NR3C1: variants seen among roughly 807,000 people sequenced by gnomAD.
NR3C1 encodes the protein nuclear receptor subfamily 3 group C member 1.
NR3C1 carries 14 observed loss-of-function variants against 74.0 expected under a neutral mutation model. That is an observed-to-expected ratio of 0.19 (90% CI 0.12 to 0.30). The LOEUF (loss-of-function observed/expected upper bound fraction) is 0.30. Ranked by LOEUF, NR3C1 falls within the 10% of genes least tolerant of loss-of-function variation. NR3C1 has a pLI of 1.00. For missense variants in NR3C1, 695 were observed against 909.8 expected (o/e 0.76, Z 3.04); for synonymous variants, 308 against 332.5 (o/e 0.93, Z 0.80).
chr5:143,347,937 T>C (rs1481925739), intron 2 of NR3C1, among the ~76,000 whole-genome samples: 2 of 152,172 alleles, frequency 1.3e-5, no homozygotes, highest in Admixed American at 6.5e-5. Flanking sequence ...CACATTCCAG[T>C]GTCAGCTTTC....
intron 2 of NR3C1, among the ~76,000 whole-genome samples, chr5:143,341,209 G>T (rs1828156249): frequency 6.6e-6 from 1 of 152,220 alleles, no homozygotes; most frequent in African/African-American, 2.4e-5. Flanking sequence ...ATAATGGAAT[G>T]TTAAAGGAAA....
chr5:143,423,198 T>A (rs1751328107), intron 1 of NR3C1, among the ~76,000 whole-genome samples: 2 of 152,084 alleles, frequency 1.3e-5, no homozygotes, highest in African/African-American at 4.8e-5. Context: ...AAGAGACAAC[T>A]CACAGAATGG....
intron 2 of NR3C1, among the ~76,000 whole-genome samples, chr5:143,393,189 C>G (rs950115460): frequency 6.6e-6 from 1 of 152,160 alleles, no homozygotes; most frequent in East Asian, 1.9e-4. Context: ...TATTTTAAAT[C>G]CTTATCTTAT....
intron 2 of NR3C1, among the ~76,000 whole-genome samples, chr5:143,390,357 A>C (rs185402830): frequency 6.6e-6 from 1 of 152,326 alleles, no homozygotes; most frequent in Non-Finnish European, 1.5e-5. Context: ...CTATACTGAT[A>C]ATCAGATACT....
chr5:143,389,856 C>G (rs748718331), intron 2 of NR3C1: 29 of 675,108 alleles, frequency 4.3e-5, no homozygotes, highest in Non-Finnish European at 4.9e-5. Context: ...GCAGAGAAAA[C>G]CTGTTAGCAG....
chr5:143,349,121 T>A (rs146298867), intron 2 of NR3C1, among the ~76,000 whole-genome samples: 1 of 152,162 alleles, frequency 6.6e-6, no homozygotes, highest in Non-Finnish European at 1.5e-5. Context: ...TCAAAGATGA[T>A]CCTACTGTCT....
intron 6 of NR3C1, among the ~76,000 whole-genome samples, chr5:143,297,000 C>T (rs1164354392): frequency 1.3e-5 from 2 of 150,636 alleles, no homozygotes; most frequent in African/African-American, 4.9e-5. Flanking sequence ...TCACTTGAAC[C>T]CTGGAGGCAG....
intron 2 of NR3C1, among the ~76,000 whole-genome samples, chr5:143,351,774 C>T (rs1301897683): frequency 1.3e-5 from 2 of 152,248 alleles, no homozygotes; most frequent in South Asian, 2.1e-4. Context: ...TATAAAGGTT[C>T]TCCCCAGCAA....
intron 2 of NR3C1, among the ~76,000 whole-genome samples, chr5:143,384,356 A>G (rs1408000659): frequency 6.6e-6 from 1 of 152,138 alleles, no homozygotes; most frequent in African/African-American, 2.4e-5. Context: ...ACATTTCAAA[A>G]CACAATCTTG....
chr5:143,406,012 C>T (rs1841087948), upstream of NR3C1, among the ~76,000 whole-genome samples: 1 of 152,058 alleles, frequency 6.6e-6, no homozygotes, highest in African/African-American at 2.4e-5. Context: ...ATGTTTTACA[C>T]GTTTTAAAAG....
intron 2 of NR3C1, among the ~76,000 whole-genome samples, chr5:143,356,752 T>G (rs1831219017): frequency 6.6e-6 from 1 of 152,192 alleles, no homozygotes. Flanking sequence ...TATACTTCTT[T>G]ATAAACATAT....
intron 7 of NR3C1, among the ~76,000 whole-genome samples, chr5:143,292,486 A>G (rs571332587): frequency 3.9e-5 from 6 of 152,214 alleles, no homozygotes; most frequent in Non-Finnish European, 8.8e-5. Context: ...AGTTTTCCTT[A>G]CAGGGCAGGC....
intron 2 of NR3C1, among the ~76,000 whole-genome samples, chr5:143,388,473 C>T (rs1443683611): frequency 6.6e-6 from 1 of 152,176 alleles, no homozygotes; most frequent in Non-Finnish European, 1.5e-5. Flanking sequence ...GTGCTAGACA[C>T]TATTCTAGAC....
upstream of NR3C1, among the ~76,000 whole-genome samples, chr5:143,407,928 C>T (rs1343446608): frequency 6.6e-6 from 1 of 152,200 alleles, no homozygotes. Flanking sequence ...CCTTTACCTA[C>T]CCCTTTGTAG....
Position 143,279,237 on chromosome 5 carries a change from T to C in NR3C1, c.*2652A>G. The C allele has an allele frequency of 3.7e-6, 4 of 1,078,944 alleles. No homozygotes were observed. Among genetic ancestry groups the C allele is most frequent in the Admixed American group, 6.7e-5 (2 of 29,846 alleles). The allele number at this position is 1,078,944 out of a possible 1,614,324, so 66.8% of individuals were successfully genotyped here. On this transcript the variant is annotated 3_prime_UTR_variant, in exon 9 of 9. Transcript: ENST00000394464. ...TAAAAGGGCACAGCTTCTTTTCCCA[T>C]TTAATGAAAAGCCTCCTATAGTTGT... is the stretch of plus-strand genomic sequence containing the variant.
chr5:143,408,269 T>C (rs1315347492), upstream of NR3C1, among the ~76,000 whole-genome samples: 1 of 152,186 alleles, frequency 6.6e-6, no homozygotes, highest in African/African-American at 2.4e-5. Context: ...GCAGGCTAAC[T>C]CTCTGTGCCT....
intron 2 of NR3C1, among the ~76,000 whole-genome samples, chr5:143,373,173 G>C (rs1834517410): frequency 6.6e-6 from 1 of 152,276 alleles, no homozygotes; most frequent in East Asian, 1.9e-4. Context: ...AGAAGTTGTA[G>C]ATGTGTATGC....
At chr5:143,335,282 G>T (rs940097157) in intron 2 of NR3C1, among the ~76,000 whole-genome samples, 2 of 152,146 alleles carry the variant, frequency 1.3e-5, no homozygotes, top group Non-Finnish European at 2.9e-5. Flanking sequence ...CCCACACTGA[G>T]GAAAACTCTC....
chr5:143,279,760 T>C lies in NR3C1; in HGVS notation c.*2129A>G, dbSNP rs1052724694. 5.2e-6 allele frequency: 1 copy of C among 192,046 alleles called. No homozygotes were observed. Among genetic ancestry groups the C allele is most frequent in the Non-Finnish European group, 1.1e-5 (1 of 94,982 alleles). 11.9% of individuals were successfully genotyped at this position (192,046 alleles called of 1,614,324 possible). A position where few individuals can be genotyped will look rare whatever the true frequency, so the allele number is the denominator to read the frequency against. The stretch of plus-strand genomic sequence containing the variant: ...AGATTCTGCACTATTTACATATTGC[T>C]GGTACCTCTATGCAAACTATTGCCA... On this transcript the variant is annotated 3_prime_UTR_variant, in exon 9 of 9. Coordinates refer to ENST00000394464, the MANE Select transcript of NR3C1 (RefSeq NM_000176.3).
Sources: allele counts gnomAD v4.1 joint callset (sites outside exome capture counted in the v4.1 genomes callset), GRCh38; gene constraint gnomAD v4.1.1; transcripts MANE v1.5; gene names NCBI Gene and HGNC (gene_info 2026-07-23, HGNC 2026-07-21).